The following RIMS2 variants were observed in gnomAD, a reference collection of about 807,000 sequenced individuals.
RIMS2 encodes the protein regulating synaptic membrane exocytosis protein 2.
Under a neutral mutation model 174.4 loss-of-function variants are expected in RIMS2, and 59 were observed. The observed-to-expected ratio is 0.34, with a 90% confidence interval of 0.27 to 0.42. RIMS2 has a LOEUF of 0.42. RIMS2 is among the 10% of genes least tolerant of loss of function. The pLI, the probability that RIMS2 is intolerant of heterozygous loss-of-function variation, is 1.00. For synonymous variants in RIMS2, 606 were observed against 572.5 expected (o/e 1.06, Z -0.84); for missense variants, 1,620 against 1,666.3 (o/e 0.97, Z 0.48).
intron 1 of RIMS2, among the ~76,000 whole-genome samples, chr8:103,649,728 G>C (rs1180831778): frequency 2.0e-5 from 3 of 149,614 alleles, no homozygotes; most frequent in Non-Finnish European, 4.4e-5. Context: ...TCTTTTCTCT[G>C]CTTGGTCTAT....
At chr8:104,121,812 A>T (rs1263914298) in intron 19 of RIMS2, among the ~76,000 whole-genome samples, 1 of 152,112 alleles carries the variant, frequency 6.6e-6, no homozygotes, top group Non-Finnish European at 1.5e-5. Context: ...AAATACAAAA[A>T]TTAGCCAGGC....
intron 1 of RIMS2, among the ~76,000 whole-genome samples, chr8:103,670,063 C>T (rs1035734920): frequency 6.6e-6 from 1 of 152,248 alleles, no homozygotes; most frequent in Non-Finnish European, 1.5e-5. Flanking sequence ...TCCATACATC[C>T]TCTGAAATCT....
chr8:103,782,329 T>A (rs1007510692), intron 3 of RIMS2, among the ~76,000 whole-genome samples: 2 of 152,128 alleles, frequency 1.3e-5, no homozygotes, highest in African/African-American at 4.8e-5. Flanking sequence ...TTCTTCTTCA[T>A]AATTTTAGTG....
chr8:103,605,375 T>G lies in RIMS2; in HGVS notation c.177-91711T>G, dbSNP rs544023713. Among the ~76,000 whole-genome samples the G allele has an allele frequency of 3.9e-4, 55 of 139,512 alleles. 1 individual carries two copies. The highest frequency in any genetic ancestry group is 1.5e-3 in the African/African-American group (52 of 35,214). The allele number at this position is 139,512 out of a possible 152,430, so 91.5% of individuals were successfully genotyped here. A position where few individuals can be genotyped will look rare whatever the true frequency, so the allele number is the denominator to read the frequency against. The stretch of plus-strand genomic sequence containing the variant: ...CCACTTGATCATGGTGGATAAGCTT[T>G]TTGATGTGCTGCTGGATTCGTTTTG... On this transcript the variant is annotated intron_variant, in intron 1 of 23. Coordinates refer to ENST00000504942, the Ensembl canonical transcript of RIMS2.
chr8:104,185,763 C>G (rs192598611), intron 19 of RIMS2, among the ~76,000 whole-genome samples: 68 of 151,346 alleles, frequency 4.5e-4, no homozygotes, highest in African/African-American at 1.5e-3. Context: ...AAAAGGGAAC[C>G]CTTATACACT....
chr8:103,690,227 G>T (rs2097002377), intron 1 of RIMS2, among the ~76,000 whole-genome samples: 1 of 152,184 alleles, frequency 6.6e-6, no homozygotes, highest in Non-Finnish European at 1.5e-5. Flanking sequence ...GCTTCCTGAA[G>T]TTCTGGGATT....
chr8:103,988,488 T>C (rs2094496287), intron 16 of RIMS2, among the ~76,000 whole-genome samples: 1 of 152,190 alleles, frequency 6.6e-6, no homozygotes, highest in African/African-American at 2.4e-5. Context: ...AGATGGAGTT[T>C]CGCTCTTGTT....
chr8:103,528,683 T>G (rs947235833), intron 1 of RIMS2, among the ~76,000 whole-genome samples: 2 of 152,214 alleles, frequency 1.3e-5, no homozygotes, highest in Non-Finnish European at 2.9e-5. Context: ...GTCAGGTTTG[T>G]CAAAGATCAG....
At chr8:103,946,619 A>G (rs968729693) in intron 14 of RIMS2, among the ~76,000 whole-genome samples, 33 of 152,380 alleles carry the variant, frequency 2.2e-4, no homozygotes, top group Non-Finnish European at 4.3e-4. Context: ...AAAAAGAGAT[A>G]TAAATAAATG....
rs142970413 is a variant in RIMS2 at position 103,757,149 on chromosome 8, T to A, written c.388-9078T>A. 4.2e-3 allele frequency among the ~76,000 whole-genome samples: 642 copies of A among 152,258 alleles called. 3 individuals are homozygous for A. The highest frequency in any genetic ancestry group is 0.015 in the African/African-American group (611 of 41,560). On this transcript the variant is annotated intron_variant, in intron 2 of 23. Coordinates refer to ENST00000504942, the Ensembl canonical transcript of RIMS2. Reference sequence around the variant, plus strand: ...AGATCATTTCCTACTTTAAAAGGAATGCTCTTACCTTTGATTCTTAAATAT... The same window carrying A: ...AGATCATTTCCTACTTTAAAAGGAAAGCTCTTACCTTTGATTCTTAAATAT...
intron 3 of RIMS2, among the ~76,000 whole-genome samples, chr8:103,826,367 A>T (rs2098791032): frequency 6.6e-6 from 1 of 151,374 alleles, no homozygotes; most frequent in Non-Finnish European, 1.5e-5. Flanking sequence ...TTTTTGGTTC[A>T]CATATATGAT....
At chr8:103,537,742 GGTA>G (rs1169835579) in intron 1 of RIMS2, among the ~76,000 whole-genome samples, 3 of 152,134 alleles carry the variant, frequency 2.0e-5, no homozygotes, top group Non-Finnish European at 2.9e-5. Context: ...TAAGTAGTCA[GGTA>G]GTATTCCCTG....
intron 12 of RIMS2, among the ~76,000 whole-genome samples, chr8:103,933,288 G>GACACACACACACACACACACACAC (rs55909886): frequency 8.4e-6 from 1 of 119,706 alleles, no homozygotes; most frequent in African/African-American, 3.5e-5. Flanking sequence ...TCGAGACTCT[G>GACACACACACACACACACACACAC]ACACACACAC....
chr8:103,820,726 A>G (rs13265448), intron 3 of RIMS2, among the ~76,000 whole-genome samples: 19,831 of 151,666 alleles, frequency 0.13, 1,754 homozygotes, highest in Non-Finnish European at 0.2. Flanking sequence ...TCTTTCCTCA[A>G]TCCAGTTCTG....
chr8:104,178,282 A>G (rs773182121), intron 19 of RIMS2, among the ~76,000 whole-genome samples: 3 of 152,090 alleles, frequency 2.0e-5, no homozygotes, highest in African/African-American at 7.2e-5. Context: ...CTGTGGGACT[A>G]AAGTCCGCAT....
At chr8:104,087,744 A>C (rs185113891) in intron 19 of RIMS2, among the ~76,000 whole-genome samples, 3 of 152,270 alleles carry the variant, frequency 2.0e-5, no homozygotes, top group Non-Finnish European at 4.4e-5. Flanking sequence ...TAGTTTAATT[A>C]CTATACCAAA....
chr8:103,886,373 G>A (rs968860208), intron 4 of RIMS2, 150 bp downstream of exon 7: 2 of 658,818 alleles, frequency 3.0e-6, no homozygotes, highest in Non-Finnish European at 5.0e-6. Context: ...AGAAAATTTC[G>A]TGTTATAAAA....
At chr8:104,175,983 G>A (rs1427861883) in intron 19 of RIMS2, among the ~76,000 whole-genome samples, 15 of 152,006 alleles carry the variant, frequency 9.9e-5, no homozygotes, top group East Asian at 3.9e-4. Context: ...GGCTATGTCC[G>A]AAACTAGTCC....
At chr8:103,946,382 C>G (rs1462096825) in intron 14 of RIMS2, among the ~76,000 whole-genome samples, 3 of 152,058 alleles carry the variant, frequency 2.0e-5, no homozygotes, top group Non-Finnish European at 4.4e-5. Flanking sequence ...ATCACAGCTA[C>G]TCAGGAAGCT....
Sources: gnomAD v4.1 joint callset for allele counts (sites outside exome capture counted in the v4.1 genomes callset) on GRCh38, gnomAD v4.1.1 for gene constraint, MANE v1.5 for transcripts, NCBI Gene and HGNC (gene_info 2026-07-23, HGNC 2026-07-21) for gene names.